The following LRRK2 variants were observed in gnomAD, a reference collection of about 807,000 sequenced individuals.
LRRK2 encodes leucine-rich repeat serine/threonine-protein kinase 2.
A neutral mutation model predicts 302.6 loss-of-function variants in LRRK2; 203 were observed. That is an observed-to-expected ratio of 0.67 (90% CI 0.60 to 0.75). The LOEUF is 0.75. LRRK2 is among the 30% of genes least tolerant of loss of function. The probability of loss-of-function intolerance (pLI) is 0.00; values close to 1 mark genes in which losing one functional copy is unlikely to be tolerated. For missense variants in LRRK2, 2,830 were observed against 2,951.0 expected (o/e 0.96, Z 0.95); for synonymous variants, 1,066 against 1,031.9 (o/e 1.03, Z -0.63).
chr12:40,235,784 T>C lies in LRRK2; in HGVS notation c.436+70T>C, dbSNP rs1941426147. 12 of 697,254 alleles carry C rather than the reference T, an allele frequency of 1.7e-5. No homozygotes were observed. The South Asian group carries it at 2.0e-4, about 12-fold the overall frequency. The allele number at this position is 697,254 out of a possible 1,614,324, so 43.2% of individuals were successfully genotyped here. A position where few individuals can be genotyped will look rare whatever the true frequency, so the allele number is the denominator to read the frequency against. On this transcript the variant is annotated intron_variant, in intron 4 of 50. Coordinates refer to ENST00000298910, the MANE Select transcript of LRRK2 (RefSeq NM_198578.4). ...AAGTTGATACCATTAAGTAAATGTG[T>C]GTGTGTGTGTTTTTTTTTTTTTTTT...
intron 41 of LRRK2, 151 bp downstream of exon 41, chr12:40,340,605 AT>A: frequency 1.2e-6 from 1 of 820,006 alleles, no homozygotes; most frequent in Non-Finnish European, 2.0e-6. Context: ...TCACATTGTG[AT>A]TTTTATCATT....
At chr12:40,367,611 T>C in intron 50 of LRRK2, 33 bp from the exon 51 acceptor site, 1 of 1,590,834 alleles carries the variant, frequency 6.3e-7, no homozygotes, top group South Asian at 1.2e-5. Context: ...TGATGGATCT[T>C]TGAAACATGA....
At chr12:40,225,388 T>C (rs959023555) in intron 1 of LRRK2, 106 bp downstream of exon 1, 14 of 1,419,650 alleles carry the variant, frequency 9.9e-6, no homozygotes, top group East Asian at 2.4e-5. Context: ...AAACCCGGAC[T>C]CTTAAGGAGC....
At chr12:40,303,081 G>T (rs1159040509) in intron 26 of LRRK2, among the ~76,000 whole-genome samples, 199 bp downstream of exon 26, 1 of 151,980 alleles carries the variant, frequency 6.6e-6, no homozygotes, top group Non-Finnish European at 1.5e-5. Context: ...TTATTTAGTG[G>T]ATCATTGTGT....
intron 16 of LRRK2, 44 bp from the exon 17 acceptor site, chr12:40,277,844 G>A (rs201300235): frequency 1.3e-6 from 2 of 1,493,586 alleles, no homozygotes; most frequent in Admixed American, 1.9e-5. Flanking sequence ...TATTCATTTT[G>A]CCTGTAATTG....
At chr12:40,349,197 G>A (rs1565771291) in intron 43 of LRRK2, among the ~76,000 whole-genome samples, 1 of 151,978 alleles carries the variant, frequency 6.6e-6, no homozygotes, top group Non-Finnish European at 1.5e-5. Flanking sequence ...GATCTGATGT[G>A]TCCATTTTGT....
At chr12:40,248,770 C>T (rs1347185851) in intron 7 of LRRK2, among the ~76,000 whole-genome samples, 3 of 152,088 alleles carry the variant, frequency 2.0e-5, no homozygotes, top group East Asian at 1.9e-4. Context: ...ATTCAGTGAC[C>T]GAACAGCTGT....
At chr12:40,253,784 T>C (rs183826318) in intron 11 of LRRK2, among the ~76,000 whole-genome samples, 1 of 152,364 alleles carries the variant, frequency 6.6e-6, no homozygotes, top group African/African-American at 2.4e-5. Flanking sequence ...AGTGGGATGT[T>C]TCTGGAACCC....
In LRRK2 at chr12:40,298,377, T is replaced by A; in HGVS notation, c.3231T>A (p.Asp1077Glu). ...ACATTGGACCCTCAGTGGTTTTAGA[T>A]CCTACAGTGAAATGTCCAACTCTGA... ...RNDIGPSVVL[D>E]PTVKCPTLKQ... The change falls in exon 24 of 51, where the codon GAT becomes GAA. Residue 1077 changes from aspartate (D) to glutamate (E), a missense_variant. Transcript: ENST00000298910. 1 of 1,613,950 alleles carries A rather than the reference T, an allele frequency of 6.2e-7. No homozygotes were observed. Among genetic ancestry groups the A allele is most frequent in the South Asian group, 1.1e-5 (1 of 91,080 alleles).
intron 35 of LRRK2, 140 bp from the exon 36 acceptor site, chr12:40,321,895 G>A: frequency 2.7e-6 from 2 of 747,514 alleles, no homozygotes; most frequent in Non-Finnish European, 4.5e-6. Flanking sequence ...AATAGATATG[G>A]ATGAGGACTC....
At chr12:40,294,132 CATCT>C (rs72446556) in intron 21 of LRRK2, among the ~76,000 whole-genome samples, 38,431 of 149,018 alleles carry the variant, frequency 0.26, 5,019 homozygotes, top group East Asian at 0.35. Context: ...ATCTATCTAT[CATCT>C]ATCTATCTAT....
At chr12:40,287,093 T>C (rs1292957990) in intron 19 of LRRK2, among the ~76,000 whole-genome samples, 1 of 151,984 alleles carries the variant, frequency 6.6e-6, no homozygotes, top group Non-Finnish European at 1.5e-5. Flanking sequence ...CCTAGGCCTT[T>C]TCCTGAATAA....
chr12:40,261,561 C>T (rs1240793211), intron 13 of LRRK2, among the ~76,000 whole-genome samples: 2 of 152,032 alleles, frequency 1.3e-5, no homozygotes, highest in African/African-American at 4.8e-5. Flanking sequence ...TTACTGTATG[C>T]TAACATATTA....
In LRRK2 at chr12:40,307,781, C is replaced by CTTTTTT. The variant is rs201473630; in HGVS notation, c.3960-674_3960-669dup. On this transcript the variant is annotated intron_variant, in intron 28 of 50. Transcript: ENST00000298910. ...TAGGGTTTTTCTTTTCTTTTCTTTT[C>CTTTTTT]TTTTTTTTTTTTTTTTTGAGACTGA... Among the ~76,000 whole-genome samples the CTTTTTT allele has an allele frequency of 4.4e-3, 530 of 119,152 alleles. 1 individual carries two copies. Among genetic ancestry groups the CTTTTTT allele is most frequent in the Middle Eastern group, 0.018 (3 of 170 alleles). 78.2% of individuals were successfully genotyped at this position (119,152 alleles called of 152,430 possible).
chr12:40,298,763 A>T (rs1233825360), intron 24 of LRRK2, among the ~76,000 whole-genome samples: 1 of 128,726 alleles, frequency 7.8e-6, no homozygotes, highest in African/African-American at 3.0e-5. Context: ...CAGAGGCGAG[A>T]CTCTGTCTCA....
At chr12:40,361,785 C>T (rs1257405987) in intron 47 of LRRK2, among the ~76,000 whole-genome samples, 3 of 151,962 alleles carry the variant, frequency 2.0e-5, no homozygotes, top group Non-Finnish European at 4.4e-5. Context: ...CTCCTGTGGC[C>T]TTGGTCTCTA....
chr12:40,236,040 G>A (rs1411662957), intron 4 of LRRK2, among the ~76,000 whole-genome samples: 1 of 151,698 alleles, frequency 6.6e-6, no homozygotes, highest in Non-Finnish European at 1.5e-5. Context: ...ATCTCTGTTG[G>A]TAGTCCGATG....
intron 39 of LRRK2, among the ~76,000 whole-genome samples, chr12:40,330,970 G>C (rs1010839310): frequency 3.9e-5 from 6 of 151,984 alleles, no homozygotes; most frequent in Non-Finnish European, 8.8e-5. Context: ...ATCCCCTCTG[G>C]TTGTTCCTTT....
At position 40,299,227 on chromosome 12, in the gene LRRK2, G is replaced by C; in HGVS notation, c.3466G>C (p.Glu1156Gln). ...CTTTCTTGAGGCTTGTCCTAAAGTG[G>C]AGAGTTTCAGTGCCAGAATGAATTT... ...ENFLEACPKV[E>Q]SFSARMNFLA... Residue 1156 changes from glutamate (E) to glutamine (Q), a missense_variant, in exon 25 of 51, where the codon GAG becomes CAG. Around this residue, in one of 3 missense-constraint regions of LRRK2, gnomAD observed 2,121 missense variants for 2,148.0 expected, o/e 0.99. Coordinates refer to ENST00000298910, the MANE Select transcript of LRRK2 (RefSeq NM_198578.4). 6.2e-7 allele frequency: 1 copy of C among 1,613,484 alleles called. No individual in the cohort carries two copies. Among genetic ancestry groups the C allele is most frequent in the South Asian group, 1.1e-5 (1 of 91,080 alleles).
Sources: gnomAD v4.1 joint callset for allele counts (sites outside exome capture counted in the v4.1 genomes callset) on GRCh38, gnomAD v4.1.1 for gene constraint, gnomAD v4.1.1 regional missense constraint, MANE v1.5 for transcripts, NCBI Gene and HGNC (gene_info 2026-07-23, HGNC 2026-07-21) for gene names.